The following FRMD3 variants were observed in gnomAD, a reference collection of about 807,000 sequenced individuals.
The protein encoded by FRMD3 is FERM domain containing 3, also known as FERM domain-containing protein 3.
A neutral mutation model predicts 70.2 loss-of-function variants in FRMD3; 33 were observed. The observed-to-expected ratio is 0.47, with a 90% CI of 0.36 to 0.63. The LOEUF is 0.63. FRMD3 is among the 20% of genes least tolerant of loss of function. The pLI is 0.00. For missense variants in FRMD3, 632 were observed against 711.4 expected, an observed-to-expected ratio of 0.89 and a Z score of 1.27; for synonymous variants, 279 against 255.9, an observed-to-expected ratio of 1.09 and a Z score of -0.86.
At chr9:83,573,487 G>A in the FRMD3 span, among the ~76,000 whole-genome samples, 1 of 152,118 alleles carries the variant, frequency 6.6e-6, no homozygotes, top group African/African-American at 2.4e-5. Context: ...AGCAAAGCAG[G>A]ACACCTGATT....
At chr9:83,580,753 GA>G in the FRMD3 span, among the ~76,000 whole-genome samples, 1 of 152,084 alleles carries the variant, frequency 6.6e-6, no homozygotes, top group South Asian at 2.1e-4. Context: ...ACCAAGGGAA[GA>G]AATCTCAAAT....
chr9:83,320,883 T>C (rs1040679764), intron 6 of FRMD3, among the ~76,000 whole-genome samples: 24 of 152,188 alleles, frequency 1.6e-4, no homozygotes, highest in African/African-American at 5.3e-4. Flanking sequence ...CTACTCATTA[T>C]TGGTCAGTTC....
At chr9:83,344,606 TCA>T (rs896426690) in intron 4 of FRMD3, among the ~76,000 whole-genome samples, 11 of 152,138 alleles carry the variant, frequency 7.2e-5, no homozygotes, top group Non-Finnish European at 1.5e-4. Flanking sequence ...TCTTCTATCC[TCA>T]GTGTTCCTGG....
intron 3 of FRMD3, among the ~76,000 whole-genome samples, chr9:83,365,081 A>G (rs889427646): frequency 4.6e-5 from 7 of 152,140 alleles, no homozygotes; most frequent in Non-Finnish European, 8.8e-5. Context: ...TTGGTATACT[A>G]TTCAACAGAA....
At chr9:83,495,188 G>C (rs973397971) in intron 1 of FRMD3, among the ~76,000 whole-genome samples, 2 of 152,152 alleles carry the variant, frequency 1.3e-5, no homozygotes, top group African/African-American at 4.8e-5. Context: ...AGGCTGGGAA[G>C]CAGAGTTGGG....
chr9:83,447,717 C>A (rs758673419), intron 1 of FRMD3, among the ~76,000 whole-genome samples: 22 of 152,106 alleles, frequency 1.4e-4, no homozygotes, highest in Non-Finnish European at 2.5e-4. Flanking sequence ...GGCACAGAGG[C>A]CAGAAAATCC....
intron 10 of FRMD3, among the ~76,000 whole-genome samples, chr9:83,300,844 G>A (rs1487948815): frequency 3.9e-5 from 6 of 152,176 alleles, no homozygotes; most frequent in Non-Finnish European, 4.4e-5. Flanking sequence ...CTTGGACAGA[G>A]AGCCAGAATC....
At chr9:83,357,296 TAA>T (rs1564032968) in intron 3 of FRMD3, among the ~76,000 whole-genome samples, 1 of 79,582 alleles carries the variant, frequency 1.3e-5, no homozygotes, top group Non-Finnish European at 2.4e-5. Flanking sequence ...TATATATATA[TAA>T]AACATTTTCT....
intron 1 of FRMD3, among the ~76,000 whole-genome samples, chr9:83,396,589 A>C (rs1825817766): frequency 6.6e-6 from 1 of 152,208 alleles, no homozygotes; most frequent in Non-Finnish European, 1.5e-5. Context: ...TAGGCCAATG[A>C]GACATGAGGA....
chr9:83,561,065 G>T, the FRMD3 span, among the ~76,000 whole-genome samples: 1 of 152,162 alleles, frequency 6.6e-6, no homozygotes, highest in South Asian at 2.1e-4. Flanking sequence ...AAGTTCCATG[G>T]TATTATTCTT....
intron 6 of FRMD3, among the ~76,000 whole-genome samples, chr9:83,324,381 A>G (rs1280767735): frequency 6.6e-6 from 1 of 152,126 alleles, no homozygotes; most frequent in Non-Finnish European, 1.5e-5. Context: ...CACATAGGAG[A>G]CTTCAGAACA....
chr9:83,326,702 T>A (rs1356542046), intron 6 of FRMD3, among the ~76,000 whole-genome samples: 17 of 152,218 alleles, frequency 1.1e-4, no homozygotes, highest in Admixed American at 1.1e-3. Flanking sequence ...ATTCTGGTAA[T>A]GGAAAATAAT....
chr9:83,268,287 T>C (rs1833368473), intron 13 of FRMD3, among the ~76,000 whole-genome samples: 1 of 152,248 alleles, frequency 6.6e-6, no homozygotes, highest in African/African-American at 2.4e-5. Flanking sequence ...TTCCATGTTG[T>C]TATGCATCAA....
chr9:83,528,396 G>C (rs1829727925), intron 1 of FRMD3, among the ~76,000 whole-genome samples: 1 of 151,890 alleles, frequency 6.6e-6, no homozygotes, highest in African/African-American at 2.4e-5. Flanking sequence ...TTATTTAATT[G>C]ACATCACTTG....
At chr9:83,523,125 A>G (rs1432778383) in intron 1 of FRMD3, among the ~76,000 whole-genome samples, 1 of 152,118 alleles carries the variant, frequency 6.6e-6, no homozygotes, top group Non-Finnish European at 1.5e-5. Flanking sequence ...AGAGGTATTC[A>G]ATAAATGTTT....
At chr9:83,324,360 T>C (rs184942143) in intron 6 of FRMD3, among the ~76,000 whole-genome samples, 9 of 152,158 alleles carry the variant, frequency 5.9e-5, no homozygotes, top group Admixed American at 4.6e-4. Flanking sequence ...AGGGAGGTGG[T>C]CTGGGAGGGG....
At chr9:83,321,639 AG>A in intron 6 of FRMD3, among the ~76,000 whole-genome samples, 3 of 152,316 alleles carry the variant, frequency 2.0e-5, no homozygotes, top group East Asian at 3.9e-4. Context: ...ACTGATGAAA[AG>A]AATGTATTTT....
intron 12 of FRMD3, among the ~76,000 whole-genome samples, chr9:83,298,268 C>T (rs1213359976): frequency 3.9e-5 from 6 of 152,204 alleles, no homozygotes; most frequent in Admixed American, 1.3e-4. Context: ...GACTGCATAT[C>T]GTCACCTTAA....
At chr9:83,393,506 A>G (rs1168475258) in intron 1 of FRMD3, among the ~76,000 whole-genome samples, 1 of 152,026 alleles carries the variant, frequency 6.6e-6, no homozygotes, top group Non-Finnish European at 1.5e-5. Flanking sequence ...CTTTATTTCT[A>G]TTATTATTAT....
Sources: gnomAD v4.1 joint callset for allele counts (sites outside exome capture counted in the v4.1 genomes callset) on GRCh38, gnomAD v4.1.1 for gene constraint, MANE v1.5 for transcripts, NCBI Gene and HGNC (gene_info 2026-07-23, HGNC 2026-07-21) for gene names.